Variants in YEATS4 observed in about 807,000 individuals in gnomAD.
YEATS4 encodes YEATS domain containing 4, also known as YEATS domain-containing protein 4.
In YEATS4, 17 loss-of-function variants were observed where a neutral mutation model predicts 30.1. The ratio of observed to expected loss-of-function variants is 0.56; its 90% CI spans 0.39 to 0.85. The LOEUF is 0.85. YEATS4 is among the 40% of genes least tolerant of loss of function. The pLI is 0.00. For synonymous variants in YEATS4, 85 were observed against 87.5 expected (o/e 0.97, Z 0.16); for missense variants, 142 against 268.3 (o/e 0.53, Z 3.29).
intron 6 of YEATS4, among the ~76,000 whole-genome samples, chr12:69,386,954 CAATG>C (rs1868259046): frequency 1.3e-5 from 2 of 152,044 alleles, no homozygotes; most frequent in East Asian, 3.9e-4. Context: ...AACATTATAA[CAATG>C]AACTCTAATA....
chr12:69,398,658 TA>T, the YEATS4 span, among the ~76,000 whole-genome samples: 5 of 150,142 alleles, frequency 3.3e-5, no homozygotes, highest in African/African-American at 1.2e-4. Flanking sequence ...ACTAAAAAAA[TA>T]TAAAAATTAA....
chr12:69,366,360 A>G (rs1875434731), intron 4 of YEATS4, among the ~76,000 whole-genome samples: 1 of 150,162 alleles, frequency 6.7e-6, no homozygotes, highest in African/African-American at 2.4e-5. Flanking sequence ...ATCTCTTCTT[A>G]TCAGATTGTT....
At chr12:69,384,211 C>T (rs1876184555) in intron 6 of YEATS4, among the ~76,000 whole-genome samples, 1 of 152,186 alleles carries the variant, frequency 6.6e-6, no homozygotes, top group South Asian at 2.1e-4. Flanking sequence ...TTATTGATCA[C>T]TCTCTTCTTT....
At chr12:69,412,633 A>G in the YEATS4 span, among the ~76,000 whole-genome samples, 1 of 152,154 alleles carries the variant, frequency 6.6e-6, no homozygotes, top group Non-Finnish European at 1.5e-5. Context: ...AGCCTGGGCG[A>G]TAGAGCAAGA....
At chr12:69,366,631 T>C (rs1443565663) in intron 4 of YEATS4, among the ~76,000 whole-genome samples, 3 of 152,208 alleles carry the variant, frequency 2.0e-5, no homozygotes, top group Non-Finnish European at 4.4e-5. Context: ...CAAAACTCAG[T>C]AATGGCTCTC....
chr12:69,371,013 A>G, intron 6 of YEATS4, 38 bp downstream of exon 6: 5 of 1,576,914 alleles, frequency 3.2e-6, no homozygotes, highest in Non-Finnish European at 4.3e-6. Flanking sequence ...AAAATAACGT[A>G]TTCTGTAATA....
At chr12:69,404,977 G>T in the YEATS4 span, among the ~76,000 whole-genome samples, 3,780 of 152,310 alleles carry the variant, frequency 0.025, 142 homozygotes, top group African/African-American at 0.083. Flanking sequence ...CTGGTATATA[G>T]AGAGAGAATG....
At chr12:69,409,799 C>G in the YEATS4 span, among the ~76,000 whole-genome samples, 1 of 147,708 alleles carries the variant, frequency 6.8e-6, no homozygotes, top group Non-Finnish European at 1.5e-5. Flanking sequence ...ATGTGTGTAT[C>G]TATATGTAAT....
At position 69,370,986 on chromosome 12, in the gene YEATS4, T is replaced by G. The variant is rs756408310; in HGVS notation, c.514+11T>G. 1 of 1,602,656 alleles carries G rather than the reference T, an allele frequency of 6.2e-7. No individual in the cohort carries two copies. The highest frequency in any genetic ancestry group is 1.1e-5 in the South Asian group (1 of 88,806). On this transcript the variant is annotated intron_variant, in intron 6 of 6. Coordinates refer to ENST00000247843, the MANE Select transcript of YEATS4 (RefSeq NM_006530.4). Reference sequence around the variant, plus strand: ...AGCATGAAACAGAATGTAAGTGCCATGCATTCATAATTCTGAAAAATAACG... The same window carrying G: ...AGCATGAAACAGAATGTAAGTGCCAGGCATTCATAATTCTGAAAAATAACG...
intron 6 of YEATS4, among the ~76,000 whole-genome samples, chr12:69,388,603 T>C (rs1358311010): frequency 1.3e-5 from 2 of 152,254 alleles, no homozygotes; most frequent in East Asian, 3.8e-4. Flanking sequence ...TATTTTTCTT[T>C]GTAAAACATC....
intron 6 of YEATS4, among the ~76,000 whole-genome samples, chr12:69,372,603 C>T (rs527921742): frequency 2.7e-4 from 39 of 144,894 alleles, no homozygotes; most frequent in African/African-American, 9.3e-4. Flanking sequence ...GGCATGATCT[C>T]GGCTCACTGC....
At chr12:69,374,670 C>T (rs188626350) in intron 6 of YEATS4, among the ~76,000 whole-genome samples, 33 of 88,538 alleles carry the variant, frequency 3.7e-4, no homozygotes, top group African/African-American at 1.2e-3. Context: ...AACCCTTACA[C>T]ATGTTTCAGA....
chr12:69,419,636 G>C, the YEATS4 span, among the ~76,000 whole-genome samples: 2 of 152,150 alleles, frequency 1.3e-5, no homozygotes, highest in African/African-American at 4.8e-5. Flanking sequence ...TGCCGTTATA[G>C]AAGGTTTTTA....
chr12:69,385,359 G>T (rs1413393326), intron 6 of YEATS4, among the ~76,000 whole-genome samples: 1 of 151,994 alleles, frequency 6.6e-6, no homozygotes, highest in Non-Finnish European at 1.5e-5. Flanking sequence ...AAAGCTATCT[G>T]GGAATATTAA....
At chr12:69,404,151 G>C in the YEATS4 span, among the ~76,000 whole-genome samples, 1 of 152,100 alleles carries the variant, frequency 6.6e-6, no homozygotes, top group Admixed American at 6.5e-5. Context: ...CTGAGCTCTA[G>C]ACTCTCCATT....
At chr12:69,362,932 T>G in intron 2 of YEATS4, 25 bp downstream of exon 2, 1 of 1,527,132 alleles carries the variant, frequency 6.5e-7, no homozygotes, top group East Asian at 2.4e-5. Context: ...TTTCTGTAAC[T>G]GTTTTACTTA....
chr12:69,397,043 A>G, the YEATS4 span, among the ~76,000 whole-genome samples: 1 of 152,234 alleles, frequency 6.6e-6, no homozygotes, highest in Non-Finnish European at 1.5e-5. Context: ...GTTGAATGGT[A>G]AGAATAAAGA....
At position 69,390,320 on chromosome 12, in the gene YEATS4, G is replaced by A. The variant is rs1868302294; in HGVS notation, c.*4G>A. 1.3e-6 allele frequency: 2 copies of A among 1,559,554 alleles called. No homozygotes were observed. Among genetic ancestry groups the A allele is most frequent in the African/African-American group, 2.8e-5 (2 of 71,456 alleles). ...TGACCAAGCAAAAGACATATAAACAGTTCTCATGAGAACTTGGTAGTAAGC... is the reference window on the plus strand; with the variant it reads ...TGACCAAGCAAAAGACATATAAACAATTCTCATGAGAACTTGGTAGTAAGC... On this transcript the variant is annotated 3_prime_UTR_variant, in exon 7 of 7. Transcript: ENST00000247843.
chr12:69,399,219 A>G, the YEATS4 span, among the ~76,000 whole-genome samples: 2 of 152,164 alleles, frequency 1.3e-5, no homozygotes, highest in Admixed American at 1.3e-4. Context: ...GTCAGAAAAA[A>G]AAAACAAACC....
Sources: gnomAD v4.1 joint callset for allele counts (sites outside exome capture counted in the v4.1 genomes callset) on GRCh38, gnomAD v4.1.1 for gene constraint, MANE v1.5 for transcripts, NCBI Gene and HGNC (gene_info 2026-07-23, HGNC 2026-07-21) for gene names.